Variants in ANK3 observed in about 807,000 individuals in gnomAD.
The protein encoded by ANK3 is ankyrin-3.
Under a neutral mutation model 370.9 loss-of-function variants are expected in ANK3, and 57 were observed. That is an observed-to-expected ratio of 0.15 (90% CI 0.12 to 0.19). The LOEUF (loss-of-function observed/expected upper bound fraction) is 0.19, where lower values mean the gene tolerates loss of function less well. ANK3 is among the 10% of genes least tolerant of loss of function. The probability of loss-of-function intolerance (pLI) is 1.00; values close to 1 mark genes in which losing one functional copy is unlikely to be tolerated. For missense variants in ANK3, 4,439 were observed against 5,302.1 expected (o/e 0.84, Z 5.06); for synonymous variants, 1,929 against 1,946.3 (o/e 0.99, Z 0.23).
intron 1 of ANK3, among the ~76,000 whole-genome samples, chr10:60,283,894 A>C (rs2098203299): frequency 6.6e-6 from 1 of 152,194 alleles, no homozygotes; most frequent in Non-Finnish European, 1.5e-5. Flanking sequence ...ATATGTATTA[A>C]TTTTATAAGT....
chr10:60,517,932 A>G (rs1196904272), intron 2 of ANK3, among the ~76,000 whole-genome samples: 2 of 152,104 alleles, frequency 1.3e-5, no homozygotes, highest in African/African-American at 4.8e-5. Context: ...AAACTCAGCC[A>G]AGTTGCTTAA....
intron 2 of ANK3, among the ~76,000 whole-genome samples, chr10:60,579,278 TTG>T (rs2077719161): frequency 6.9e-6 from 1 of 145,298 alleles, no homozygotes; most frequent in Admixed American, 7.1e-5. Context: ...TGAGCTGAGA[TTG>T]TGCCACTGCA....
At chr10:60,545,541 C>A (rs1037467105) in intron 2 of ANK3, among the ~76,000 whole-genome samples, 2 of 151,462 alleles carry the variant, frequency 1.3e-5, no homozygotes, top group African/African-American at 2.4e-5. Flanking sequence ...AAAAAAAATT[C>A]TAGAAGCCTT....
chr10:60,252,483 T>C (rs1256960446), intron 7 of ANK3, among the ~76,000 whole-genome samples: 1 of 152,228 alleles, frequency 6.6e-6, no homozygotes, highest in African/African-American at 2.4e-5. Context: ...TGCCAACTCC[T>C]ACCTTAATAG....
rs1163420666 is a variant in ANK3 at position 60,712,628 on chromosome 10, C to T, written c.57+20635G>A. ...TTAACACAACTAAATACTTTAAACA[C>T]AAAGGGTTTAAATGCACAAATTAAA... On this transcript the variant is annotated intron_variant, in intron 1 of 43. Transcript: ENST00000373827. Among the ~76,000 whole-genome samples the T allele has an allele frequency of 5.3e-5, 8 of 152,160 alleles. No individual in the cohort carries two copies. In the East Asian group the frequency reaches 1.5e-3, roughly 29 times the overall value.
In ANK3 at chr10:60,070,419, C is replaced by G. The variant is rs1303332545; in HGVS notation, c.10462G>C (p.Glu3488Gln). 5.0e-6 allele frequency: 8 copies of G among 1,613,958 alleles called. No individual in the cohort carries two copies. Among genetic ancestry groups the G allele is most frequent in the Non-Finnish European group, 6.8e-6 (8 of 1,180,002 alleles). The change falls in exon 37 of 44, where the codon GAA (glutamate) becomes CAA (glutamine). Residue 3488 changes from glutamate to glutamine, a missense_variant. Physicochemically the swap from Glu to Gln is conservative, Grantham distance 29. This residue lies in a region of ANK3 where 1,601 missense variants were observed against 1,731.7 expected (regional missense o/e 0.92). Transcript: ENST00000280772. This position sits in a 1 kb window ranked among gnomAD's most constrained non-coding sequence, Gnocchi z 5.7. ...TGATCAGTCTTATCAGGAGTCTTTT[C>G]AGATGAAGAACTTTTAGAAGGTGGC... ...DKPPSKSSSS[E>Q]KTPDKTDQKS...
intron 2 of ANK3, among the ~76,000 whole-genome samples, chr10:60,549,140 TACACACACACACAC>T (rs3047236): frequency 3.8e-4 from 55 of 145,640 alleles, no homozygotes; most frequent in African/African-American, 1.1e-3. Flanking sequence ...GCATGTTTCA[TACACACACACACAC>T]ACACACACAC....
intron 30 of ANK3, among the ~76,000 whole-genome samples, chr10:60,085,738 C>T (rs2086530971): frequency 6.6e-6 from 1 of 151,858 alleles, no homozygotes; most frequent in Admixed American, 6.6e-5. Flanking sequence ...GCCTCAGCCT[C>T]CCCAGTAGCT....
intron 23 of ANK3, among the ~76,000 whole-genome samples, chr10:60,145,519 A>G (rs936287436): frequency 1.3e-5 from 2 of 152,206 alleles, no homozygotes; most frequent in Admixed American, 1.3e-4. Flanking sequence ...ACTAATATTT[A>G]TTGAGCATTT....
intron 2 of ANK3, among the ~76,000 whole-genome samples, chr10:60,538,337 C>CA (rs2076769305): frequency 6.6e-6 from 1 of 151,822 alleles, no homozygotes; most frequent in African/African-American, 2.4e-5. Flanking sequence ...GTCAGGTGTA[C>CA]AAAAATCTTA....
At position 60,311,474 on chromosome 10, in the gene ANK3, C is replaced by CAA. The variant is rs57897005; in HGVS notation, c.115-31837_115-31836dup. ...ACTAAGTAATTGGGTATATGGAAGC[C>CAA]AAAAAAAAAAAAAAAAAAAAAGAGA... On this transcript the variant is annotated intron_variant, in intron 1 of 43. Coordinates refer to ENST00000280772, the MANE Select transcript of ANK3 (RefSeq NM_020987.5). Among the ~76,000 whole-genome samples, 942 of 125,754 alleles carry CAA rather than the reference C, an allele frequency of 7.5e-3. 15 individuals are homozygous for CAA. The highest frequency in any genetic ancestry group is 0.026 in the African/African-American group (833 of 32,526). The allele number at this position is 125,754 out of a possible 152,430, so 82.5% of individuals were successfully genotyped here.
intron 2 of ANK3, among the ~76,000 whole-genome samples, chr10:60,465,102 C>T (rs779165816): frequency 5.3e-5 from 8 of 151,862 alleles, no homozygotes; most frequent in Non-Finnish European, 8.8e-5. Context: ...GCTGTCCCCA[C>T]AAAAATTAGC....
At chr10:60,129,487 C>T (rs1463703662) in intron 25 of ANK3, among the ~76,000 whole-genome samples, 3 of 152,168 alleles carry the variant, frequency 2.0e-5, no homozygotes, top group East Asian at 3.9e-4. Context: ...CATGGTGGCT[C>T]ACACCTATAA....
intron 2 of ANK3, among the ~76,000 whole-genome samples, chr10:60,472,195 C>T (rs1261440857): frequency 2.0e-5 from 3 of 152,098 alleles, no homozygotes; most frequent in East Asian, 1.9e-4. Context: ...GACATACATA[C>T]GTGGTTAAGC....
intron 43 of ANK3, among the ~76,000 whole-genome samples, chr10:60,036,362 T>C (rs940294072): frequency 2.0e-4 from 31 of 151,490 alleles, no homozygotes; most frequent in Non-Finnish European, 1.3e-4. Flanking sequence ...CTGACGCTTA[T>C]TGAGTGCTTA....
intron 2 of ANK3, among the ~76,000 whole-genome samples, chr10:60,411,793 G>A (rs1181340960): frequency 2.6e-5 from 4 of 152,078 alleles, no homozygotes; most frequent in African/African-American, 9.7e-5. Flanking sequence ...GTAGAAATGA[G>A]GATATAGAAG....
Position 60,523,899 on chromosome 10 carries a change from A to G in ANK3, c.96+91287T>C, listed in dbSNP as rs72820980. Among the ~76,000 whole-genome samples the G allele has an allele frequency of 5.7e-3, 865 of 152,248 alleles. 4 individuals carry two copies. The highest frequency in any genetic ancestry group is 0.01 in the Middle Eastern group (3 of 294). ...ATTAAATGGGATGCTTACATTCTGA[A>G]CAATGATACCGGGTAAAAACAACAA... On this transcript the variant is annotated intron_variant, in intron 2 of 43. Transcript: ENST00000373827.
chr10:60,537,999 C>T (rs1481556498), intron 2 of ANK3, among the ~76,000 whole-genome samples: 1 of 151,738 alleles, frequency 6.6e-6, no homozygotes, highest in East Asian at 1.9e-4. Context: ...ATTCTCGGTT[C>T]TTTTTTAAAA....
intron 1 of ANK3, among the ~76,000 whole-genome samples, chr10:60,717,319 C>T (rs758554263): frequency 7.9e-5 from 12 of 152,114 alleles, no homozygotes; most frequent in Non-Finnish European, 1.5e-4. Flanking sequence ...GCTCACATTC[C>T]ACTTCTGGTA....
Sources: gnomAD v4.1 joint callset for allele counts (sites outside exome capture counted in the v4.1 genomes callset) on GRCh38, gnomAD v4.1.1 for gene constraint, gnomAD v4.1.1 regional missense constraint, Gnocchi (gnomAD v3.1) non-coding constraint, MANE v1.5 for transcripts, NCBI Gene and HGNC (gene_info 2026-07-23, HGNC 2026-07-21) for gene names.